GLI3: variants seen among roughly 807,000 people sequenced by gnomAD.
The protein encoded by GLI3 is transcription activator GLI3.
GLI3 carries 20 observed loss-of-function variants against 100.8 expected under a neutral mutation model. That is an observed-to-expected ratio of 0.20 (90% CI 0.14 to 0.29). GLI3 has a LOEUF of 0.29. Among genes scored for constraint, GLI3 ranks in the 10% least tolerant of loss-of-function variants. The pLI is 1.00. For synonymous variants in GLI3, 938 were observed against 860.5 expected (o/e 1.09, Z -1.58); for missense variants, 2,040 against 2,128.5 (o/e 0.96, Z 0.82).
intron 3 of GLI3, among the ~76,000 whole-genome samples, chr7:42,139,458 T>C (rs1429751341): frequency 6.6e-6 from 1 of 152,158 alleles, no homozygotes; most frequent in Non-Finnish European, 1.5e-5. Flanking sequence ...GACGGGCAGA[T>C]CACTTGAGGT....
Position 41,965,863 on chromosome 7 carries a change from G to T in GLI3, c.3210C>A (p.Thr1070=), listed in dbSNP as rs375673789. ...TCAGGGACTCCAGGGTGACGTTCTCGGTGATGCTGGGAGGACAGGGGGACG... is the reference window on the plus strand; with the variant it reads ...TCAGGGACTCCAGGGTGACGTTCTCTGTGATGCTGGGAGGACAGGGGGACG... The part of the protein sequence containing the change: ...FHSSPCPPSI[T]ENVTLESLTM... The change falls in exon 15 of 15, where the codon ACC becomes ACA. Residue 1070 remains threonine, a synonymous_variant. Transcript: ENST00000395925. 59 of 1,613,696 alleles carry T rather than the reference G, an allele frequency of 3.7e-5. No individual in the cohort carries two copies. Among genetic ancestry groups the T allele is most frequent in the Non-Finnish European group, 4.7e-5 (56 of 1,179,938 alleles).
chr7:42,152,344 A>G, intron 2 of GLI3: 5 of 958,540 alleles, frequency 5.2e-6, no homozygotes, highest in Non-Finnish European at 6.2e-6. Flanking sequence ...GAGAACAGAC[A>G]ATACTTACAA....
intron 10 of GLI3, among the ~76,000 whole-genome samples, chr7:41,998,769 T>C (rs1168490131): frequency 6.6e-6 from 1 of 152,246 alleles, no homozygotes; most frequent in Non-Finnish European, 1.5e-5. Context: ...TCGTCAACTT[T>C]GGACATCAAC....
intron 3 of GLI3, among the ~76,000 whole-genome samples, chr7:42,102,209 G>T (rs982478315): frequency 6.6e-6 from 1 of 152,110 alleles, no homozygotes; most frequent in African/African-American, 2.4e-5. Context: ...CCAGTAATGG[G>T]ATGGCTGGGT....
Position 42,134,430 on chromosome 7 carries a change from C to A in GLI3, c.367+13796G>T, listed in dbSNP as rs538248322. ...AGACACAGAAGAAAGGAAAAGGGCA[C>A]TTTCCGTAGCCGCTATGGTAAACAA... On this transcript the variant is annotated intron_variant, in intron 3 of 14. Transcript: ENST00000395925. Among the ~76,000 whole-genome samples the A allele has an allele frequency of 2.0e-5, 3 of 152,322 alleles. No homozygotes were observed. In the East Asian group the frequency reaches 5.8e-4, roughly 29 times the overall value.
At chr7:42,231,148 G>T (rs207467813) in intron 1 of GLI3, among the ~76,000 whole-genome samples, 1 of 152,190 alleles carries the variant, frequency 6.6e-6, no homozygotes, top group Non-Finnish European at 1.5e-5. Context: ...TAAGGGAGTA[G>T]AGTGTATGTT....
chr7:42,020,644 T>C (rs1788909288), intron 10 of GLI3, among the ~76,000 whole-genome samples: 2 of 152,330 alleles, frequency 1.3e-5, no homozygotes, highest in African/African-American at 4.8e-5. Flanking sequence ...CCAAGGAAAG[T>C]CACAGGAATG....
intron 3 of GLI3, among the ~76,000 whole-genome samples, chr7:42,105,534 C>T (rs576303141): frequency 1.3e-5 from 2 of 151,658 alleles, no homozygotes; most frequent in Non-Finnish European, 2.9e-5. Flanking sequence ...AGGATGACGC[C>T]GTGGGGAAGG....
At chr7:42,259,808 C>T (rs548893305) in intron 1 of GLI3, among the ~76,000 whole-genome samples, 8 of 152,200 alleles carry the variant, frequency 5.3e-5, no homozygotes, top group Admixed American at 6.5e-5. Context: ...ATAGTGCCTT[C>T]CCCTTTGCTT....
At chr7:42,078,825 G>A (rs993865636) in intron 3 of GLI3, among the ~76,000 whole-genome samples, 3 of 149,952 alleles carry the variant, frequency 2.0e-5, no homozygotes, top group African/African-American at 7.4e-5. Flanking sequence ...CACCTCCCGG[G>A]TTCACGCCAT....
intron 4 of GLI3, among the ~76,000 whole-genome samples, chr7:42,062,383 T>C (rs1043623273): frequency 1.1e-4 from 16 of 152,190 alleles, no homozygotes; most frequent in Middle Eastern, 3.2e-3. Context: ...GAGAATAGCA[T>C]CACAATCATT....
chr7:42,064,404 G>T (rs1415110511), intron 4 of GLI3, among the ~76,000 whole-genome samples: 4 of 152,154 alleles, frequency 2.6e-5, no homozygotes, highest in African/African-American at 7.2e-5. Flanking sequence ...ATGACGGAAA[G>T]TGCTCAAGGA....
At chr7:42,126,659 A>T (rs1211586131) in intron 3 of GLI3, among the ~76,000 whole-genome samples, 5 of 152,246 alleles carry the variant, frequency 3.3e-5, no homozygotes, top group Non-Finnish European at 7.3e-5. Context: ...AAAATCAGCC[A>T]TATGATATAT....
chr7:42,039,876 C>T (rs1784096002), intron 7 of GLI3, among the ~76,000 whole-genome samples, 162 bp downstream of exon 7: 1 of 152,196 alleles, frequency 6.6e-6, no homozygotes, highest in African/African-American at 2.4e-5. Flanking sequence ...ACTGGTTTTG[C>T]AATTCATTGT....
chr7:42,174,252 T>C (rs1787435133), intron 2 of GLI3, among the ~76,000 whole-genome samples: 2 of 152,210 alleles, frequency 1.3e-5, no homozygotes, highest in Admixed American at 1.3e-4. Context: ...CTTTTCCGTC[T>C]GACTTATTCC....
rs762641481 is a variant in GLI3 at position 42,023,607 on chromosome 7, T to C, written c.1358A>G (p.Glu453Gly). The change falls in exon 10 of 15, where the codon GAA becomes GGA. Residue 453 changes from glutamate to glycine, a missense_variant and splice_region_variant. This residue lies in a region of GLI3 where 603 missense variants were observed against 690.9 expected (regional missense o/e 0.87). Coordinates refer to ENST00000395925, the MANE Select transcript of GLI3 (RefSeq NM_000168.6). ...GACAAGGGTTGTTCCTTCGGGCTGTTCCTGAAAGAAGAGGGTGGGGGGCAG... is the reference window on the plus strand; with the variant it reads ...GACAAGGGTTGTTCCTTCGGGCTGTCCCTGAAAGAAGAGGGTGGGGGGCAG... ...LPSPGARGQQ[E>G]QPEGTTLVKE... 1.9e-6 allele frequency: 3 copies of C among 1,593,258 alleles called. No homozygotes were observed. Among genetic ancestry groups the C allele is most frequent in the East Asian group, 2.3e-5 (1 of 44,076 alleles).
At chr7:42,086,804 A>G (rs1201089897) in intron 3 of GLI3, among the ~76,000 whole-genome samples, 1 of 152,012 alleles carries the variant, frequency 6.6e-6, no homozygotes, top group African/African-American at 2.4e-5. Flanking sequence ...TTCTACTTGG[A>G]CCCGCATCAT....
intron 3 of GLI3, among the ~76,000 whole-genome samples, chr7:42,086,473 T>G (rs1785103729): frequency 6.6e-6 from 1 of 151,934 alleles, no homozygotes; most frequent in Admixed American, 6.6e-5. Flanking sequence ...TCTCCCAAAA[T>G]GTATAGTAGC....
intron 10 of GLI3, among the ~76,000 whole-genome samples, chr7:41,981,086 G>A (rs147289489): frequency 5.8e-4 from 88 of 152,326 alleles, no homozygotes; most frequent in African/African-American, 2.0e-3. Flanking sequence ...TGCAGGGAAG[G>A]ATGGGGTAGG....
Sources: allele counts gnomAD v4.1 joint callset (sites outside exome capture counted in the v4.1 genomes callset), GRCh38; gene constraint gnomAD v4.1.1; regional missense constraint gnomAD v4.1.1; transcripts MANE v1.5; gene names NCBI Gene and HGNC (gene_info 2026-07-23, HGNC 2026-07-21).